Variants in MAPRE2 observed in about 807,000 individuals in gnomAD.
MAPRE2 encodes the protein microtubule-associated protein RP/EB family member 2.
A neutral mutation model predicts 43.2 loss-of-function variants in MAPRE2; 13 were observed. The observed-to-expected ratio is 0.30, with a 90% CI of 0.20 to 0.48. The LOEUF (loss-of-function observed/expected upper bound fraction) is 0.48. Among genes scored for constraint, MAPRE2 ranks in the 20% least tolerant of loss-of-function variants. The pLI, the probability that MAPRE2 is intolerant of heterozygous loss-of-function variation, is 0.99. For synonymous variants in MAPRE2, 135 were observed against 148.8 expected, an observed-to-expected ratio of 0.91 and a Z score of 0.68; for missense variants, 161 against 400.2, an observed-to-expected ratio of 0.40 and a Z score of 5.10.
intron 1 of MAPRE2, among the ~76,000 whole-genome samples, chr18:34,995,806 A>T (rs1222513579): frequency 6.6e-6 from 1 of 152,188 alleles, no homozygotes; most frequent in Non-Finnish European, 1.5e-5. Flanking sequence ...TACCAAGCGC[A>T]TGTTAATCTG....
chr18:35,058,260 G>C (rs1394422609), intron 1 of MAPRE2, among the ~76,000 whole-genome samples: 1 of 152,100 alleles, frequency 6.6e-6, no homozygotes, highest in African/African-American at 2.4e-5. Flanking sequence ...CCCTTGTCCT[G>C]TTAATAAGCT....
intron 4 of MAPRE2, among the ~76,000 whole-genome samples, chr18:35,112,017 C>T (rs538041949): frequency 2.0e-5 from 3 of 152,116 alleles, no homozygotes; most frequent in East Asian, 3.9e-4. Context: ...AAGTACCTTA[C>T]GTATGTCTTT....
chr18:35,107,120 A>C (rs1908947736), intron 4 of MAPRE2, among the ~76,000 whole-genome samples: 1 of 152,226 alleles, frequency 6.6e-6, no homozygotes, highest in Non-Finnish European at 1.5e-5. Flanking sequence ...TGATAGATTT[A>C]GAGTTGCTAT....
chr18:35,020,283 T>C (rs1441398810), intron 2 of MAPRE2, among the ~76,000 whole-genome samples: 1 of 152,158 alleles, frequency 6.6e-6, no homozygotes, highest in Non-Finnish European at 1.5e-5. Flanking sequence ...GGATATTTTA[T>C]TCTCCAGCTG....
At chr18:34,991,998 T>G (rs1187328763) in intron 1 of MAPRE2, among the ~76,000 whole-genome samples, 1 of 152,176 alleles carries the variant, frequency 6.6e-6, no homozygotes, top group Non-Finnish European at 1.5e-5. Flanking sequence ...TGTGAATTTT[T>G]TCGTTTTTTA....
chr18:35,028,349 G>A (rs2097046297), intron 2 of MAPRE2, among the ~76,000 whole-genome samples: 1 of 152,184 alleles, frequency 6.6e-6, no homozygotes, highest in East Asian at 1.9e-4. Context: ...ATTTGGCCAA[G>A]GTTACACAAC....
intron 2 of MAPRE2, among the ~76,000 whole-genome samples, chr18:35,077,745 A>G (rs1364060835): frequency 1.3e-5 from 2 of 152,204 alleles, no homozygotes; most frequent in Non-Finnish European, 2.9e-5. Flanking sequence ...TCATAATTCT[A>G]ATTACAGAAA....
chr18:34,998,323 CTTTTTTTTTTTT>C (rs11339291), intron 1 of MAPRE2, among the ~76,000 whole-genome samples: 1 of 120,738 alleles, frequency 8.3e-6, no homozygotes, highest in African/African-American at 3.5e-5. Context: ...TTTTCTCTCT[CTTTTTTTTTTTT>C]TTTTTTTTTG....
rs375339349 is a variant in MAPRE2 at position 34,984,959 on chromosome 18, A to G, written c.-70+7880A>G. Among the ~76,000 whole-genome samples, 22 of 6,242 alleles carry G rather than the reference A, an allele frequency of 3.5e-3. 1 individual carries two copies. In the East Asian group the frequency reaches 0.06, roughly 17 times the overall value. 4.1% of individuals were successfully genotyped at this position (6,242 alleles called of 152,430 possible). Reference sequence around the variant, plus strand: ...ATATAATATATAAAATATATTATATATAAAATATATAATATATAAAATATA... The same window carrying G: ...ATATAATATATAAAATATATTATATGTAAAATATATAATATATAAAATATA... On this transcript the variant is annotated intron_variant, in intron 1 of 7. Coordinates refer to the MAPRE2 transcript ENST00000413393.
intron 4 of MAPRE2, among the ~76,000 whole-genome samples, chr18:35,118,681 A>T (rs936574614): frequency 1.3e-5 from 2 of 152,104 alleles, no homozygotes; most frequent in Non-Finnish European, 2.9e-5. Flanking sequence ...GCAAAGCTAG[A>T]TCATGTCACT....
At chr18:35,007,674 G>A (rs1028881098) in intron 2 of MAPRE2, among the ~76,000 whole-genome samples, 15 of 152,214 alleles carry the variant, frequency 9.9e-5, no homozygotes, top group African/African-American at 3.6e-4. Context: ...AGATGGCAGA[G>A]AACCAAAGAG....
At position 35,090,324 on chromosome 18, in the gene MAPRE2, A is replaced by G. The variant is rs150957945; in HGVS notation, c.251-7122A>G. On this transcript the variant is annotated intron_variant, in intron 2 of 6. Coordinates refer to ENST00000300249, the MANE Select transcript of MAPRE2 (RefSeq NM_014268.4). ...TATATCCTAGCTTTACTAGGATAAG[A>G]TCTGGAACAAGACAAGGATGTCCAT... Among the ~76,000 whole-genome samples the G allele has an allele frequency of 4.3e-3, 657 of 152,318 alleles. 3 individuals are homozygous for G. Among genetic ancestry groups the G allele is most frequent in the African/African-American group, 0.015 (620 of 41,550 alleles).
intron 2 of MAPRE2, among the ~76,000 whole-genome samples, chr18:35,088,146 C>T (rs1432645264): frequency 6.6e-6 from 1 of 152,110 alleles, no homozygotes. Flanking sequence ...ATAGCACCAA[C>T]ATAAGAGTTA....
rs189773472 is a variant in MAPRE2, at chr18:34,993,667, G to A, written c.-69-11825G>A. Among the ~76,000 whole-genome samples, 28 of 152,224 alleles carry A rather than the reference G, an allele frequency of 1.8e-4. No individual in the cohort carries two copies. In the East Asian group the frequency reaches 1.9e-3, roughly 10 times the overall value. ...TAATGCCAAATGATGCCCAAAGAGGGGTCTGTGATGAGCAAAGCCTTCTCC... is the reference window on the plus strand; with the variant it reads ...TAATGCCAAATGATGCCCAAAGAGGAGTCTGTGATGAGCAAAGCCTTCTCC... On this transcript the variant is annotated intron_variant, in intron 1 of 7. Coordinates refer to the MAPRE2 transcript ENST00000413393.
At chr18:35,094,006 T>C (rs1025702111) in intron 2 of MAPRE2, among the ~76,000 whole-genome samples, 8 of 152,182 alleles carry the variant, frequency 5.3e-5, no homozygotes, top group Admixed American at 4.6e-4. Flanking sequence ...ATAGCATTAT[T>C]TATAATTGAG....
At chr18:35,060,273 G>A (rs1028882747) in intron 1 of MAPRE2, among the ~76,000 whole-genome samples, 2 of 152,144 alleles carry the variant, frequency 1.3e-5, no homozygotes, top group African/African-American at 4.8e-5. Context: ...AAGAAGGAGT[G>A]GATGTGCTGG....
chr18:35,025,446 T>A (rs1378852996), intron 2 of MAPRE2, among the ~76,000 whole-genome samples: 1 of 152,208 alleles, frequency 6.6e-6, no homozygotes, highest in Admixed American at 6.5e-5. Context: ...CCCCTATGAA[T>A]TTTTTAGCTG....
intron 4 of MAPRE2, 96 bp from the exon 5 acceptor site, chr18:35,126,852 G>T: frequency 9.5e-7 from 1 of 1,048,464 alleles, no homozygotes; most frequent in Non-Finnish European, 1.4e-6. Flanking sequence ...TCTCTTATAT[G>T]TTGTTGTAAG....
chr18:35,009,097 T>C (rs1307399084), intron 2 of MAPRE2, among the ~76,000 whole-genome samples: 1 of 152,170 alleles, frequency 6.6e-6, no homozygotes, highest in East Asian at 1.9e-4. Context: ...TCAGAGCATT[T>C]GACTTTACTG....
Sources: allele counts gnomAD v4.1 joint callset (sites outside exome capture counted in the v4.1 genomes callset), GRCh38; gene constraint gnomAD v4.1.1; transcripts MANE v1.5; gene names NCBI Gene and HGNC (gene_info 2026-07-23, HGNC 2026-07-21).